ESRP1: variants seen among roughly 807,000 people sequenced by gnomAD.
The protein encoded by ESRP1 is RNA-binding motif protein 35A.
In ESRP1, 33 loss-of-function variants were observed where a neutral mutation model predicts 81.7. That is an observed-to-expected ratio of 0.40 (90% confidence interval 0.31 to 0.54). The LOEUF (loss-of-function observed/expected upper bound fraction) is 0.54, where lower values mean the gene tolerates loss of function less well. Among genes scored for constraint, ESRP1 ranks in the 20% least tolerant of loss-of-function variants. ESRP1 has a pLI of 0.41. For synonymous variants in ESRP1, 320 were observed against 303.3 expected, an observed-to-expected ratio of 1.06 and a Z score of -0.57; for missense variants, 672 against 833.1, an observed-to-expected ratio of 0.81 and a Z score of 2.38.
intron 13 of ESRP1, among the ~76,000 whole-genome samples, chr8:94,692,144 C>T (rs568662520): frequency 2.0e-5 from 3 of 152,262 alleles, no homozygotes; most frequent in African/African-American, 7.2e-5. Context: ...TTTTAAAAGG[C>T]AGGAAAATAT....
intron 15 of ESRP1, among the ~76,000 whole-genome samples, chr8:94,702,950 T>C (rs1373463147): frequency 6.6e-6 from 1 of 152,214 alleles, no homozygotes; most frequent in Non-Finnish European, 1.5e-5. Context: ...TTGTATGTAA[T>C]ACTTTAATGA....
chr8:94,699,515 A>G (rs1255214664), intron 15 of ESRP1, among the ~76,000 whole-genome samples: 1 of 151,948 alleles, frequency 6.6e-6, no homozygotes, highest in East Asian at 1.9e-4. Flanking sequence ...GTGTGGTGGC[A>G]TTTACCTCCG....
At chr8:94,699,253 A>G (rs973812688) in intron 15 of ESRP1, among the ~76,000 whole-genome samples, 2 of 152,184 alleles carry the variant, frequency 1.3e-5, no homozygotes, top group Non-Finnish European at 2.9e-5. Context: ...TCATGACAGA[A>G]TAACAGATCG....
At chr8:94,700,941 G>A (rs980898265) in intron 15 of ESRP1, among the ~76,000 whole-genome samples, 2 of 116,150 alleles carry the variant, frequency 1.7e-5, no homozygotes, top group Admixed American at 1.7e-4. Flanking sequence ...AAAAAAATGT[G>A]TGTGTGTGTG....
rs36015408 is a variant in ESRP1 at position 94,648,737 on chromosome 8, C to T, written c.490+2455C>T. On this transcript the variant is annotated intron_variant, in intron 4 of 15. Transcript: ENST00000433389. ...GCTTCTGTAAACACCTGGAGAAGAG[C>T]AGATAAGAGAATGTGCAGGTTGAAG... 8.7e-4 allele frequency among the ~76,000 whole-genome samples: 132 copies of T among 152,258 alleles called. 3 individuals carry two copies. The East Asian group carries it at 0.024, about 28-fold the overall frequency.
In ESRP1 at chr8:94,642,034, G is replaced by C; in HGVS notation, c.211G>C (p.Asp71His). Residue 71 changes from aspartate (D) to histidine (H), a missense_variant, in exon 2 of 16, where the codon GAC becomes CAC. Transcript: ENST00000433389. ...TEDCKEETKI[D>H]VESLSSASQL... ...GGACTGCAAAGAAGAAACTAAAATA[G>C]ACGTCGAAAGCCTGTCCTCGGCGTC... is the stretch of plus-strand genomic sequence containing the variant. The C allele has an allele frequency of 6.2e-7, 1 of 1,613,864 alleles. No individual in the cohort carries two copies.
At chr8:94,681,652 A>C (rs1808891669) in intron 13 of ESRP1, among the ~76,000 whole-genome samples, 1 of 151,500 alleles carries the variant, frequency 6.6e-6, no homozygotes, top group Non-Finnish European at 1.5e-5. Flanking sequence ...ATAAATAATA[A>C]AAATGGCTGG....
Position 94,671,077 on chromosome 8 carries a change from T to C in ESRP1, c.1234-376T>C, listed in dbSNP as rs1315414264. Among the ~76,000 whole-genome samples, 3 of 152,234 alleles carry C rather than the reference T, an allele frequency of 2.0e-5. No homozygotes were observed. The East Asian group carries it at 5.8e-4, about 29-fold the overall frequency. On this transcript the variant is annotated intron_variant, in intron 10 of 15. Transcript: ENST00000433389. ...TGCTACAAAAGTCCACATTTAGTGA[T>C]ATGTTCAGAATTGTATAAAAGTGGC...
At chr8:94,650,130 G>A (rs1375585011) in intron 4 of ESRP1, among the ~76,000 whole-genome samples, 1 of 152,096 alleles carries the variant, frequency 6.6e-6, no homozygotes, top group Non-Finnish European at 1.5e-5. Flanking sequence ...AAAGTTCATA[G>A]TTTACATTGG....
At chr8:94,661,423 A>T (rs192859430) in intron 4 of ESRP1, among the ~76,000 whole-genome samples, 14 of 152,348 alleles carry the variant, frequency 9.2e-5, no homozygotes, top group Admixed American at 6.5e-4. Flanking sequence ...GTCAAAACAT[A>T]ACTTTTATAT....
intron 15 of ESRP1, among the ~76,000 whole-genome samples, chr8:94,702,283 G>A (rs758559179): frequency 6.6e-6 from 1 of 152,022 alleles, no homozygotes; most frequent in Non-Finnish European, 1.5e-5. Flanking sequence ...ACAGGGCTTT[G>A]CTTTTTTGAT....
intron 3 of ESRP1, among the ~76,000 whole-genome samples, chr8:94,645,341 C>G (rs1017046471): frequency 6.6e-6 from 1 of 151,328 alleles, no homozygotes; most frequent in African/African-American, 2.4e-5. Flanking sequence ...CAAATTAACA[C>G]AATTTCAAAA....
At chr8:94,667,284 G>A (rs565688203) in intron 9 of ESRP1, among the ~76,000 whole-genome samples, 1 of 151,920 alleles carries the variant, frequency 6.6e-6, no homozygotes, top group Admixed American at 6.6e-5. Flanking sequence ...TAGTGTATGA[G>A]TTTCAAAGAT....
At chr8:94,650,952 G>A (rs762633967) in intron 4 of ESRP1, among the ~76,000 whole-genome samples, 27 of 152,098 alleles carry the variant, frequency 1.8e-4, no homozygotes, top group South Asian at 2.1e-4. Flanking sequence ...TGATCCGCCC[G>A]CCTTGGCCTC....
chr8:94,705,826 A>C, intron 15 of ESRP1, 99 bp from the exon 16 acceptor site: 1 of 1,106,444 alleles, frequency 9.0e-7, no homozygotes, highest in Non-Finnish European at 1.3e-6. Context: ...TTTTCCACAA[A>C]GTCCTTGTGG....
At chr8:94,693,377 G>A (rs1336117269) in intron 14 of ESRP1, among the ~76,000 whole-genome samples, 1 of 152,138 alleles carries the variant, frequency 6.6e-6, no homozygotes, top group Non-Finnish European at 1.5e-5. Flanking sequence ...CGTGACTAAT[G>A]TTTGCTCTTG....
At chr8:94,651,303 C>T (rs1170847454) in intron 4 of ESRP1, among the ~76,000 whole-genome samples, 1 of 126,260 alleles carries the variant, frequency 7.9e-6, no homozygotes, top group African/African-American at 3.1e-5. Flanking sequence ...TGCATTGGTG[C>T]TGTAATGCTA....
At chr8:94,671,340 G>T in intron 10 of ESRP1, 113 bp from the exon 11 acceptor site, 2 of 750,972 alleles carry the variant, frequency 2.7e-6, no homozygotes, top group South Asian at 2.1e-5. Context: ...ATTAGGTCTG[G>T]GGTGAGCTGG....
At chr8:94,646,542 G>A (rs2130538349) in intron 4 of ESRP1, 1 of 284,890 alleles carries the variant, frequency 3.5e-6, no homozygotes, top group Non-Finnish European at 6.6e-6. Context: ...AGTTTCAGCT[G>A]TGTAATGTGT....
Sources: gnomAD v4.1 joint callset for allele counts (sites outside exome capture counted in the v4.1 genomes callset) on GRCh38, gnomAD v4.1.1 for gene constraint, MANE v1.5 for transcripts, NCBI Gene and HGNC (gene_info 2026-07-23, HGNC 2026-07-21) for gene names.